WWOX: variants seen among roughly 807,000 people sequenced by gnomAD.
WWOX encodes the protein WW domain containing oxidoreductase.
A neutral mutation model predicts 46.2 loss-of-function variants in WWOX; 69 were observed. The observed-to-expected ratio is 1.49, with a 90% CI of 1.23 to 1.82. The LOEUF (loss-of-function observed/expected upper bound fraction) is 1.82. WWOX is among the 40% of genes most tolerant of loss of function. WWOX has a pLI of 0.00. For synonymous variants in WWOX, 359 were observed against 202.6 expected, an observed-to-expected ratio of 1.77 and a Z score of -6.56; for missense variants, 919 against 542.6, an observed-to-expected ratio of 1.69 and a Z score of -6.89.
Position 79,080,478 on chromosome 16 carries a change from A to T in WWOX, c.1057-131130A>T, listed in dbSNP as rs6564643. On this transcript the variant is annotated intron_variant, in intron 8 of 8. Transcript: ENST00000566780. ...AGAATTCAATTCTTCTCTTGCCACAAATCAGCTGTTTATACTCCTCTTTGC... is the reference window on the plus strand; with the variant it reads ...AGAATTCAATTCTTCTCTTGCCACATATCAGCTGTTTATACTCCTCTTTGC... Among the ~76,000 whole-genome samples the T allele has an allele frequency of 2.6e-5, 4 of 152,038 alleles. No individual in the cohort carries two copies. In the East Asian group the frequency reaches 7.7e-4, roughly 29 times the overall value.
chr16:78,222,373 C>G (rs79577199), intron 5 of WWOX, among the ~76,000 whole-genome samples: 14,245 of 148,588 alleles, frequency 0.096, 921 homozygotes, highest in Non-Finnish European at 0.14. Flanking sequence ...AGAAGTCCAA[C>G]TAGCTGAGTG....
intron 3 of WWOX, among the ~76,000 whole-genome samples, chr16:78,113,471 C>T (rs1300432908): frequency 6.6e-6 from 1 of 152,158 alleles, no homozygotes; most frequent in Admixed American, 6.5e-5. Flanking sequence ...ACTTTATTTA[C>T]AGAAACAGGC....
intron 8 of WWOX, among the ~76,000 whole-genome samples, chr16:78,742,178 C>T (rs958167254): frequency 5.9e-5 from 9 of 152,272 alleles, no homozygotes; most frequent in East Asian, 1.9e-4. Context: ...GATTGTACAT[C>T]GTTTGTCGAT....
chr16:78,529,728 A>G (rs1004034701), intron 8 of WWOX, among the ~76,000 whole-genome samples: 4 of 151,944 alleles, frequency 2.6e-5, no homozygotes, highest in African/African-American at 9.7e-5. Flanking sequence ...CGGCCTCCCA[A>G]AGTGCTGGGA....
chr16:78,653,508 G>C (rs1164666088), intron 8 of WWOX, among the ~76,000 whole-genome samples: 1 of 152,212 alleles, frequency 6.6e-6, no homozygotes, highest in Non-Finnish European at 1.5e-5. Flanking sequence ...GATATGGAGG[G>C]TGCTTATGAG....
intron 8 of WWOX, among the ~76,000 whole-genome samples, chr16:78,470,309 A>T (rs1411459981): frequency 6.6e-6 from 1 of 152,216 alleles, no homozygotes; most frequent in Non-Finnish European, 1.5e-5. Flanking sequence ...CCTTGTGCCC[A>T]GGAAGATGCG....
intron 8 of WWOX, among the ~76,000 whole-genome samples, chr16:79,207,588 T>G (rs767074448): frequency 6.6e-6 from 1 of 152,242 alleles, no homozygotes; most frequent in Non-Finnish European, 1.5e-5. Context: ...ATTGAATATA[T>G]AGATATGCCA....
chr16:79,098,948 A>C (rs2049133936), intron 8 of WWOX, among the ~76,000 whole-genome samples: 1 of 152,156 alleles, frequency 6.6e-6, no homozygotes, highest in African/African-American at 2.4e-5. Context: ...CATAAAGAAA[A>C]GAAGTTTGTT....
intron 8 of WWOX, among the ~76,000 whole-genome samples, chr16:79,009,069 A>T (rs1310338368): frequency 6.6e-6 from 1 of 152,184 alleles, no homozygotes; most frequent in Non-Finnish European, 1.5e-5. Flanking sequence ...ATTTAGAGGG[A>T]TCCACGGAGC....
Position 78,797,569 on chromosome 16 carries a change from C to T in WWOX, c.1056+364817C>T, listed in dbSNP as rs116502717. On this transcript the variant is annotated intron_variant, in intron 8 of 8. Coordinates refer to ENST00000566780, the MANE Select transcript of WWOX (RefSeq NM_016373.4). ...ACTCCAGTCTGGCTGCTTTTTCAAC[C>T]TGGGGCTTTAGTCATGTCAATATTC... Among the ~76,000 whole-genome samples the T allele has an allele frequency of 7.4e-3, 1,119 of 152,230 alleles. 20 individuals are homozygous for T. Among genetic ancestry groups the T allele is most frequent in the African/African-American group, 0.025 (1,056 of 41,528 alleles).
rs1244151968 is a variant in WWOX, at chr16:78,164,275, A to G, written c.502A>G (p.Ile168Val). 5.6e-6 allele frequency: 9 copies of G among 1,613,896 alleles called. No homozygotes were observed. Among genetic ancestry groups the G allele is most frequent in the Non-Finnish European group, 7.6e-6 (9 of 1,179,966 alleles). Residue 168 changes from isoleucine (I) to valine (V), a missense_variant, in exon 5 of 9, where the codon ATT becomes GTT. By Grantham distance (29) the Ile-to-Val change is conservative (BLOSUM62 3). Transcript: ENST00000566780. ...MARASEAVSRILEEWHKAKVE... is the reference protein window; with the variant it reads ...MARASEAVSRVLEEWHKAKVE... ...AAGGGCGAGTGAAGCAGTGTCACGC[A>G]TTTTAGAAGAATGGGTAAGTGCTTG...
intron 5 of WWOX, among the ~76,000 whole-genome samples, chr16:78,300,586 C>T (rs548111677): frequency 6.6e-6 from 1 of 151,942 alleles, no homozygotes; most frequent in South Asian, 2.1e-4. Flanking sequence ...TCGCATCTGA[C>T]ATCTCCAAAT....
intron 3 of WWOX, 141 bp from the exon 4 acceptor site, chr16:78,114,835 A>G: frequency 9.9e-7 from 1 of 1,012,082 alleles, no homozygotes; most frequent in Non-Finnish European, 1.5e-6. Context: ...AGATAGATTC[A>G]GTGGGCCCCA....
intron 8 of WWOX, among the ~76,000 whole-genome samples, chr16:78,433,017 TTTTTG>T (rs555531671): frequency 1.0e-3 from 158 of 152,256 alleles, no homozygotes; most frequent in African/African-American, 3.7e-3. Context: ...AATGGTGATT[TTTTTG>T]TTTGTTTGGT....
chr16:78,563,481 G>C (rs34192920), intron 8 of WWOX, among the ~76,000 whole-genome samples: 4 of 145,304 alleles, frequency 2.8e-5, no homozygotes, highest in East Asian at 2.0e-4. Flanking sequence ...ACGGGCACTC[G>C]TGTGGGTGAA....
chr16:78,310,074 TCTTTTTC>T (rs981793931), intron 5 of WWOX, among the ~76,000 whole-genome samples: 1 of 151,892 alleles, frequency 6.6e-6, no homozygotes, highest in Admixed American at 6.6e-5. Context: ...CTTCCCCCTC[TCTTTTTC>T]CTTTTCTTTC....
chr16:78,209,799 A>T (rs1006183438), intron 5 of WWOX, among the ~76,000 whole-genome samples: 2 of 152,144 alleles, frequency 1.3e-5, no homozygotes, highest in African/African-American at 4.8e-5. Flanking sequence ...TGTATGTAGA[A>T]TAAGTGTAAT....
At chr16:78,803,851 G>C (rs954582989) in intron 8 of WWOX, among the ~76,000 whole-genome samples, 2 of 152,148 alleles carry the variant, frequency 1.3e-5, no homozygotes, top group Admixed American at 6.5e-5. Context: ...AAAATAGTCA[G>C]AGCTCAAAAA....
At chr16:78,510,693 T>C (rs1312840579) in intron 8 of WWOX, among the ~76,000 whole-genome samples, 5 of 152,256 alleles carry the variant, frequency 3.3e-5, no homozygotes, top group African/African-American at 1.2e-4. Flanking sequence ...TTTATTTTTA[T>C]TTGTAAATTG....
Sources: allele counts gnomAD v4.1 joint callset (sites outside exome capture counted in the v4.1 genomes callset), GRCh38; gene constraint gnomAD v4.1.1; transcripts MANE v1.5; gene names NCBI Gene and HGNC (gene_info 2026-07-23, HGNC 2026-07-21).